EYS: variants seen among roughly 807,000 people sequenced by gnomAD.
The protein encoded by EYS is protein eyes shut homolog.
Under a neutral mutation model 282.1 loss-of-function variants are expected in EYS, and 250 were observed. That is an observed-to-expected ratio of 0.89 (90% CI 0.80 to 0.98). The LOEUF is 0.98. Ranked by LOEUF, EYS falls within the 50% of genes least tolerant of loss-of-function variation. EYS has a pLI of 0.00. For synonymous variants in EYS, 1,355 were observed against 1,282.9 expected, an observed-to-expected ratio of 1.06 and a Z score of -1.20; for missense variants, 4,016 against 3,709.0, an observed-to-expected ratio of 1.08 and a Z score of -2.15.
At chr6:64,232,202 C>A (rs994787729) in intron 30 of EYS, among the ~76,000 whole-genome samples, 2 of 152,086 alleles carry the variant, frequency 1.3e-5, no homozygotes, top group Non-Finnish European at 2.9e-5. Flanking sequence ...CATGATTGAG[C>A]CTGACCTGCT....
At chr6:65,372,230 C>T (rs533823531) in intron 8 of EYS, among the ~76,000 whole-genome samples, 14 of 151,802 alleles carry the variant, frequency 9.2e-5, no homozygotes, top group East Asian at 3.9e-4. Flanking sequence ...TATAAAGCTC[C>T]GATGCTATTT....
chr6:65,311,000 C>T (rs1168434747), intron 11 of EYS, among the ~76,000 whole-genome samples: 3 of 151,986 alleles, frequency 2.0e-5, no homozygotes, highest in Admixed American at 6.6e-5. Flanking sequence ...AGCACATAAT[C>T]GATACCCATT....
chr6:63,986,417 A>G (rs566760898), intron 34 of EYS, among the ~76,000 whole-genome samples: 3 of 151,862 alleles, frequency 2.0e-5, no homozygotes, highest in Non-Finnish European at 4.4e-5. Context: ...CAATCCCATT[A>G]CTGGATATAT....
chr6:64,451,566 T>C (rs530397341), intron 26 of EYS, among the ~76,000 whole-genome samples: 1 of 152,042 alleles, frequency 6.6e-6, no homozygotes, highest in Non-Finnish European at 1.5e-5. Flanking sequence ...AAAAAGAGAA[T>C]TTTAGACCAA....
chr6:65,598,056 G>A (rs981076298), intron 2 of EYS, among the ~76,000 whole-genome samples: 12 of 151,748 alleles, frequency 7.9e-5, no homozygotes, highest in Non-Finnish European at 1.6e-4. Context: ...GCTGTGATCC[G>A]GCCACTGCAC....
intron 30 of EYS, among the ~76,000 whole-genome samples, chr6:64,264,514 G>A (rs542870624): frequency 1.3e-5 from 2 of 152,150 alleles, no homozygotes; most frequent in African/African-American, 2.4e-5. Context: ...CTTGAGATTC[G>A]AGCTTGGAAG....
intron 5 of EYS, among the ~76,000 whole-genome samples, chr6:65,445,235 AC>A: frequency 6.6e-6 from 1 of 151,986 alleles, no homozygotes; most frequent in East Asian, 1.9e-4. Context: ...ATTTCTTATA[AC>A]TTTTTGTACT....
At chr6:65,602,885 G>T (rs559636819) in intron 2 of EYS, among the ~76,000 whole-genome samples, 1 of 151,912 alleles carries the variant, frequency 6.6e-6, no homozygotes, top group African/African-American at 2.4e-5. Flanking sequence ...ATTTACATTT[G>T]TTGTCCTAAC....
chr6:64,820,021 A>G (rs1764854298), intron 21 of EYS, among the ~76,000 whole-genome samples: 1 of 152,114 alleles, frequency 6.6e-6, no homozygotes, highest in African/African-American at 2.4e-5. Flanking sequence ...TCATGAAATT[A>G]GTCAACACTT....
At chr6:64,092,747 C>T (rs901661234) in intron 31 of EYS, among the ~76,000 whole-genome samples, 53 of 151,776 alleles carry the variant, frequency 3.5e-4, no homozygotes, top group Admixed American at 7.9e-4. Context: ...TGCAGAAGCT[C>T]TTTAGTCTAA....
At chr6:64,508,706 G>T (rs1480772487) in intron 26 of EYS, among the ~76,000 whole-genome samples, 2 of 151,730 alleles carry the variant, frequency 1.3e-5, no homozygotes, top group African/African-American at 2.4e-5. Flanking sequence ...ACTCCGAAGA[G>T]CTTTGGTTTA....
intron 26 of EYS, among the ~76,000 whole-genome samples, chr6:64,498,286 G>T (rs1776947908): frequency 6.6e-6 from 1 of 152,052 alleles, no homozygotes; most frequent in African/African-American, 2.4e-5. Context: ...GGGAAGTACA[G>T]AAAATCAAAT....
chr6:64,975,141 T>A (rs1213807918), intron 14 of EYS, among the ~76,000 whole-genome samples: 3 of 151,870 alleles, frequency 2.0e-5, no homozygotes, highest in Non-Finnish European at 4.4e-5. Flanking sequence ...CACACATTTT[T>A]AAAATCATTT....
chr6:64,725,177 T>C (rs1244449789), intron 22 of EYS, among the ~76,000 whole-genome samples: 1 of 152,162 alleles, frequency 6.6e-6, no homozygotes, highest in Non-Finnish European at 1.5e-5. Flanking sequence ...TTGTAATATG[T>C]AGGATATTAA....
chr6:65,662,208 C>A (rs1015178049), intron 1 of EYS, among the ~76,000 whole-genome samples: 3 of 152,052 alleles, frequency 2.0e-5, no homozygotes, highest in Admixed American at 2.0e-4. Flanking sequence ...ATAAAAGGTA[C>A]TGATTCTGAA....
intron 22 of EYS, among the ~76,000 whole-genome samples, chr6:64,724,197 G>A (rs1469390795): frequency 6.6e-6 from 1 of 152,080 alleles, no homozygotes; most frequent in East Asian, 1.9e-4. Flanking sequence ...TTATACACTA[G>A]TTCTCTAACC....
chr6:64,274,331 CG>C (rs1768036206), intron 30 of EYS, among the ~76,000 whole-genome samples: 1 of 152,014 alleles, frequency 6.6e-6, no homozygotes, highest in African/African-American at 2.4e-5. Context: ...CGCGCCACCA[CG>C]CCGGGCTAAT....
chr6:65,577,552 C>A (rs1172228748), intron 2 of EYS, among the ~76,000 whole-genome samples: 1 of 151,576 alleles, frequency 6.6e-6, no homozygotes, highest in Non-Finnish European at 1.5e-5. Flanking sequence ...AAGACACAGA[C>A]AACAAATCAA....
At chr6:64,669,515 G>C (rs1769362593) in intron 22 of EYS, among the ~76,000 whole-genome samples, 2 of 152,148 alleles carry the variant, frequency 1.3e-5, no homozygotes, top group African/African-American at 4.8e-5. Flanking sequence ...GGGGAGAAAA[G>C]GGGGCTTTGA....
Sources: allele counts gnomAD v4.1 joint callset (sites outside exome capture counted in the v4.1 genomes callset), GRCh38; gene constraint gnomAD v4.1.1; transcripts MANE v1.5; gene names NCBI Gene and HGNC (gene_info 2026-07-23, HGNC 2026-07-21).